The following CDK12 variants were observed in gnomAD, a reference collection of about 807,000 sequenced individuals.
CDK12 encodes cyclin-dependent kinase 12.
CDK12 carries 17 observed loss-of-function variants against 133.8 expected under a neutral mutation model. The observed-to-expected ratio is 0.13, with a 90% confidence interval of 0.09 to 0.19. The LOEUF (loss-of-function observed/expected upper bound fraction) is 0.19. Ranked by LOEUF, CDK12 falls within the 10% of genes least tolerant of loss-of-function variation. The pLI, the probability that CDK12 is intolerant of heterozygous loss-of-function variation, is 1.00. For missense variants in CDK12, 1,508 were observed against 1,818.7 expected (o/e 0.83, Z 3.11); for synonymous variants, 694 against 683.6 (o/e 1.02, Z -0.24).
At chr17:39,555,517 C>T (rs1208904088) in intron 2 of CDK12, among the ~76,000 whole-genome samples, 2 of 151,898 alleles carry the variant, frequency 1.3e-5, no homozygotes, top group African/African-American at 4.8e-5. Context: ...ATTCCCCCAG[C>T]TCTCCCGGGC....
intron 2 of CDK12, among the ~76,000 whole-genome samples, chr17:39,472,579 C>T (rs56876777): frequency 6.6e-6 from 1 of 151,826 alleles, no homozygotes; most frequent in Non-Finnish European, 1.5e-5. Flanking sequence ...GAGGCTGAGG[C>T]AGGAGAATTG....
rs1297111667 is a variant in CDK12 at position 39,470,630 on chromosome 17, TTTAC to T, written c.1047-245_1047-242del. Among the ~76,000 whole-genome samples, 4 of 152,280 alleles carry T rather than the reference TTTAC, an allele frequency of 2.6e-5. 1 individual carries two copies. The East Asian group carries it at 7.7e-4, about 29-fold the overall frequency. On this transcript the variant is annotated intron_variant, in intron 1 of 13. Coordinates refer to ENST00000447079, the MANE Select transcript of CDK12 (RefSeq NM_016507.4). ...AACTGGAGTCCATACTTTATTTAGA[TTTAC>T]TTAGTCTACCTAATGTCCATTTTCT...
At position 39,485,430 on chromosome 17, in the gene CDK12, T is replaced by G. The variant is rs113539743; in HGVS notation, c.1932-5127T>G. Among the ~76,000 whole-genome samples, 59 of 76,056 alleles carry G rather than the reference T, an allele frequency of 7.8e-4. 1 individual carries two copies. Among genetic ancestry groups the G allele is most frequent in the African/African-American group, 2.6e-3 (47 of 18,010 alleles). The allele number at this position is 76,056 out of a possible 152,430, so 49.9% of individuals were successfully genotyped here. ...CCCCTTTTTTTTTTTTTTTTTTTTT[T>G]GGGAAACAGAGTCTCACTCTGTCGC... On this transcript the variant is annotated intron_variant, in intron 2 of 13. Coordinates refer to ENST00000447079, the MANE Select transcript of CDK12 (RefSeq NM_016507.4).
chr17:39,489,883 T>C lies in CDK12; in HGVS notation c.1932-674T>C, dbSNP rs1017768354. On this transcript the variant is annotated intron_variant, in intron 2 of 13. Coordinates refer to ENST00000447079, the MANE Select transcript of CDK12 (RefSeq NM_016507.4). ...TCAAACTCCTGGCCTCAAGCAATCC[T>C]CTTGCCTCAGCCTCCCAAAGTGCTG... Among the ~76,000 whole-genome samples the C allele has an allele frequency of 4.9e-5, 7 of 144,052 alleles. No homozygotes were observed. In the East Asian group the frequency reaches 6.4e-4, roughly 13 times the overall value. The allele number at this position is 144,052 out of a possible 152,430, so 94.5% of individuals were successfully genotyped here. A position where few individuals can be genotyped will look rare whatever the true frequency, so the allele number is the denominator to read the frequency against.
chr17:39,533,336 G>T lies in CDK12; in HGVS notation c.*2020G>T, dbSNP rs939422813. On this transcript the variant is annotated 3_prime_UTR_variant, in exon 14 of 14. Coordinates refer to ENST00000447079, the MANE Select transcript of CDK12 (RefSeq NM_016507.4). Reference sequence around the variant, plus strand: ...CTTACTGACATGCTATTGGTAAATCGCATTAAAGTTCATCTGAACCTTCTG... The same window carrying T: ...CTTACTGACATGCTATTGGTAAATCTCATTAAAGTTCATCTGAACCTTCTG... 1.3e-5 allele frequency: 3 copies of T among 232,658 alleles called. No homozygotes were observed. Among genetic ancestry groups the T allele is most frequent in the Non-Finnish European group, 2.5e-5 (3 of 117,728 alleles). 14.4% of individuals were successfully genotyped at this position (232,658 alleles called of 1,614,324 possible).
At chr17:39,463,255 G>A in intron 1 of CDK12, 138 bp downstream of exon 1, 1 of 752,540 alleles carries the variant, frequency 1.3e-6, no homozygotes, top group Non-Finnish European at 2.2e-6. Flanking sequence ...TCATTCCAGT[G>A]TGTGAATCTG....
chr17:39,473,658 A>G (rs2049969040), intron 2 of CDK12, among the ~76,000 whole-genome samples: 1 of 152,148 alleles, frequency 6.6e-6, no homozygotes, highest in African/African-American at 2.4e-5. Context: ...TGGGAGGCCA[A>G]GGCGGGCGAA....
chr17:39,541,085 A>G (rs2055388207), intron 1 of CDK12, among the ~76,000 whole-genome samples: 1 of 152,010 alleles, frequency 6.6e-6, no homozygotes, highest in Admixed American at 6.6e-5. Flanking sequence ...GAGTATATGG[A>G]CATTGATTGA....
rs554724515 is a variant in CDK12 at position 39,490,139 on chromosome 17, C to T, written c.1932-418C>T. On this transcript the variant is annotated intron_variant, in intron 2 of 13. Coordinates refer to ENST00000447079, the MANE Select transcript of CDK12 (RefSeq NM_016507.4). ...CCCAGCATTTTGGGAGGCCGAGGCACGTGGATCATTTGAGACCAGGAGTTC... is the reference window on the plus strand; with the variant it reads ...CCCAGCATTTTGGGAGGCCGAGGCATGTGGATCATTTGAGACCAGGAGTTC... Among the ~76,000 whole-genome samples, 110 of 150,320 alleles carry T rather than the reference C, an allele frequency of 7.3e-4. 1 individual carries two copies. The highest frequency in any genetic ancestry group is 4.0e-4 in the East Asian group (2 of 5,048).
chr17:39,475,445 C>T (rs1207082409), intron 2 of CDK12, among the ~76,000 whole-genome samples: 1 of 151,792 alleles, frequency 6.6e-6, no homozygotes, highest in African/African-American at 2.4e-5. Flanking sequence ...TGTACGCCAG[C>T]TTGTGTGAAA....
chr17:39,529,112 A>C (rs574516468), intron 13 of CDK12, among the ~76,000 whole-genome samples: 2 of 152,176 alleles, frequency 1.3e-5, no homozygotes, highest in African/African-American at 4.8e-5. Flanking sequence ...AGGGTCACCA[A>C]TTCATTCCTG....
chr17:39,498,843 T>G (rs2146027456), intron 5 of CDK12, among the ~76,000 whole-genome samples: 4 of 151,604 alleles, frequency 2.6e-5, no homozygotes, highest in East Asian at 3.9e-4. Context: ...GTTGATTCAT[T>G]TTTCTCTCAA....
At chr17:39,494,438 C>T (rs2051908123) in intron 4 of CDK12, 86 bp from the exon 5 acceptor site, 3 of 1,117,976 alleles carry the variant, frequency 2.7e-6, no homozygotes, top group Non-Finnish European at 4.0e-6. Flanking sequence ...CTAAGTTTGT[C>T]TTCCAGAGCA....
intron 6 of CDK12, among the ~76,000 whole-genome samples, chr17:39,507,139 G>A (rs999662729): frequency 2.6e-5 from 4 of 151,720 alleles, no homozygotes; most frequent in African/African-American, 9.6e-5. Context: ...TAAGTGGTCC[G>A]CCTGCCTCGG....
At chr17:39,465,291 C>T (rs946993746) in intron 1 of CDK12, among the ~76,000 whole-genome samples, 1 of 146,052 alleles carries the variant, frequency 6.8e-6, no homozygotes, top group Admixed American at 6.9e-5. Context: ...TGTAATCTAT[C>T]TACCTGTCCA....
intron 2 of CDK12, among the ~76,000 whole-genome samples, chr17:39,473,208 G>T (rs1191346601): frequency 1.3e-5 from 2 of 151,924 alleles, no homozygotes; most frequent in Non-Finnish European, 2.9e-5. Flanking sequence ...TTATAGCCGG[G>T]TTTGTTTTTT....
intron 1 of CDK12, among the ~76,000 whole-genome samples, chr17:39,539,762 C>T (rs1013707956): frequency 2.6e-5 from 4 of 152,054 alleles, no homozygotes; most frequent in South Asian, 4.1e-4. Context: ...AAGAAATAAT[C>T]GGAGAAAGTG....
chr17:39,558,087 T>C (rs908301686), intron 3 of CDK12, among the ~76,000 whole-genome samples: 1 of 152,206 alleles, frequency 6.6e-6, no homozygotes, highest in African/African-American at 2.4e-5. Flanking sequence ...GGGCTGATAT[T>C]GCTTCAAAGA....
At chr17:39,486,586 G>A (rs905942466) in intron 2 of CDK12, among the ~76,000 whole-genome samples, 1 of 152,052 alleles carries the variant, frequency 6.6e-6, no homozygotes, top group South Asian at 2.1e-4. Flanking sequence ...TGTTCTTCTA[G>A]TGAAGCCAAA....
Sources: allele counts gnomAD v4.1 joint callset (sites outside exome capture counted in the v4.1 genomes callset), GRCh38; gene constraint gnomAD v4.1.1; transcripts MANE v1.5; gene names NCBI Gene and HGNC (gene_info 2026-07-23, HGNC 2026-07-21).